The following AUTS2 variants were observed in gnomAD, a reference collection of about 807,000 sequenced individuals.
AUTS2 encodes the protein autism susceptibility gene 2 protein.
Under a neutral mutation model 112.4 loss-of-function variants are expected in AUTS2, and 17 were observed. The observed-to-expected ratio is 0.15, with a 90% confidence interval of 0.10 to 0.23. The LOEUF (loss-of-function observed/expected upper bound fraction) is 0.23, where lower values mean the gene tolerates loss of function less well. Ranked by LOEUF, AUTS2 falls within the 10% of genes least tolerant of loss-of-function variation. AUTS2 has a pLI of 1.00. For synonymous variants in AUTS2, 751 were observed against 702.7 expected, an observed-to-expected ratio of 1.07 and a Z score of -1.09; for missense variants, 1,510 against 1,701.6, an observed-to-expected ratio of 0.89 and a Z score of 1.98.
At chr7:70,302,906 CTT>C (rs61466921) in intron 4 of AUTS2, among the ~76,000 whole-genome samples, 34 of 127,814 alleles carry the variant, frequency 2.7e-4, no homozygotes, top group African/African-American at 1.4e-4. Context: ...GAAAGATCTT[CTT>C]TTTTTTTTTT....
At chr7:69,927,581 C>T (rs976795341) in intron 2 of AUTS2, among the ~76,000 whole-genome samples, 6 of 152,226 alleles carry the variant, frequency 3.9e-5, no homozygotes, top group African/African-American at 1.4e-4. Flanking sequence ...CCCACTCTGC[C>T]CGACAGGCTG....
chr7:69,647,721 A>C (rs1795094386), intron 1 of AUTS2, among the ~76,000 whole-genome samples: 1 of 152,224 alleles, frequency 6.6e-6, no homozygotes, highest in African/African-American at 2.4e-5. Context: ...AAAGTATCAC[A>C]AACTGAGTGG....
chr7:69,683,958 A>G (rs1377144632), intron 1 of AUTS2, among the ~76,000 whole-genome samples: 1 of 152,134 alleles, frequency 6.6e-6, no homozygotes, highest in African/African-American at 2.4e-5. Flanking sequence ...CATGTTCAAG[A>G]GATAATGGCG....
chr7:70,606,912 C>T (rs890057217), intron 5 of AUTS2, among the ~76,000 whole-genome samples: 26 of 150,778 alleles, frequency 1.7e-4, no homozygotes, highest in African/African-American at 5.4e-4. Flanking sequence ...CATACACGTG[C>T]GCACACACAC....
chr7:70,632,644 A>G (rs748151609), intron 5 of AUTS2, among the ~76,000 whole-genome samples: 3 of 151,446 alleles, frequency 2.0e-5, no homozygotes, highest in Non-Finnish European at 2.9e-5. Flanking sequence ...CCTTCCATCC[A>G]TCACCCTCCT....
intron 4 of AUTS2, among the ~76,000 whole-genome samples, chr7:70,224,531 T>C (rs940406983): frequency 2.0e-5 from 3 of 152,156 alleles, no homozygotes; most frequent in African/African-American, 7.2e-5. Flanking sequence ...ATTTGAACAA[T>C]ATATAAAGTA....
chr7:69,884,483 T>G (rs1439411116), intron 1 of AUTS2, among the ~76,000 whole-genome samples: 1 of 152,244 alleles, frequency 6.6e-6, no homozygotes, highest in African/African-American at 2.4e-5. Flanking sequence ...ATCTCACGTT[T>G]AATCCTCTGG....
rs1461619583 is a variant in AUTS2 at position 70,793,100 on chromosome 7, G to T, written c.*2104G>T. 1 of 151,946 alleles carries T rather than the reference G, an allele frequency of 6.6e-6. No homozygotes were observed. The highest frequency in any genetic ancestry group is 1.5e-5 in the Non-Finnish European group (1 of 68,062). The allele number at this position is 151,946 out of a possible 1,614,324, so 9.4% of individuals were successfully genotyped here. ...CGCTTGTGGTTTGTTTTTTGAGGAG[G>T]GGGGGTTCTGTTAGTTTTTCGTATG... On this transcript the variant is annotated 3_prime_UTR_variant, in exon 19 of 19. Transcript: ENST00000342771.
At chr7:70,633,384 G>A (rs1330439343) in intron 5 of AUTS2, among the ~76,000 whole-genome samples, 3 of 152,152 alleles carry the variant, frequency 2.0e-5, no homozygotes, top group East Asian at 1.9e-4. Context: ...TTGGGAAGCC[G>A]AGGTAGGTGG....
intron 4 of AUTS2, among the ~76,000 whole-genome samples, chr7:70,431,722 G>T (rs1795681163): frequency 6.6e-6 from 1 of 152,202 alleles, no homozygotes; most frequent in South Asian, 2.1e-4. Flanking sequence ...GATTGGGTGG[G>T]TTGGTTTGTT....
At chr7:70,703,843 T>A (rs1371213225) in intron 6 of AUTS2, among the ~76,000 whole-genome samples, 1 of 152,182 alleles carries the variant, frequency 6.6e-6, no homozygotes, top group Non-Finnish European at 1.5e-5. Context: ...TTCAGAGCAT[T>A]TTCTTGAGTT....
chr7:70,386,538 G>A (rs1275306423), intron 4 of AUTS2, among the ~76,000 whole-genome samples: 2 of 151,978 alleles, frequency 1.3e-5, no homozygotes, highest in South Asian at 4.2e-4. Context: ...CCAGACCCTG[G>A]CAATCACTAA....
chr7:69,671,519 GTGTGTC>G (rs949387185), intron 1 of AUTS2, among the ~76,000 whole-genome samples: 5 of 149,760 alleles, frequency 3.3e-5, no homozygotes, highest in East Asian at 3.9e-4. Flanking sequence ...GTGTGTGTGT[GTGTGTC>G]TGTGTGTGTG....
At chr7:69,911,333 G>A (rs1055220803) in intron 2 of AUTS2, among the ~76,000 whole-genome samples, 5 of 152,204 alleles carry the variant, frequency 3.3e-5, no homozygotes, top group East Asian at 1.9e-4. Context: ...CAAAGAGGGT[G>A]TCACAGCCCT....
intron 4 of AUTS2, among the ~76,000 whole-genome samples, chr7:70,173,642 T>A (rs374758920): frequency 6.6e-6 from 1 of 152,228 alleles, no homozygotes; most frequent in Non-Finnish European, 1.5e-5. Context: ...AAACCTTACA[T>A]CAAGCAAGTC....
At chr7:69,648,125 G>A (rs1320576136) in intron 1 of AUTS2, among the ~76,000 whole-genome samples, 1 of 152,168 alleles carries the variant, frequency 6.6e-6, no homozygotes, top group Non-Finnish European at 1.5e-5. Context: ...CCATAACAGA[G>A]TTCTACTTTG....
In AUTS2 at chr7:69,899,405, C is replaced by A. The variant is rs1320471009; in HGVS notation, c.429C>A (p.Ser143Arg). Reference protein sequence around the residue: ...LSFHSKKSRLSHPHHYSSDRE... With the variant: ...LSFHSKKSRLRHPHHYSSDRE... ...TTCATTCAAAGAAGAGCAGACTCAG[C>A]CACCCACACCACTACAGCTCAGATC... The change falls in exon 2 of 19, where the codon AGC becomes AGA. Residue 143 changes from serine to arginine, a missense_variant. Around this residue, in one of 3 missense-constraint regions of AUTS2, gnomAD observed 535 missense variants for 594.3 expected, o/e 0.90. Coordinates refer to ENST00000342771, the MANE Select transcript of AUTS2 (RefSeq NM_015570.4). The A allele has an allele frequency of 1.2e-6, 2 of 1,614,012 alleles. No homozygotes were observed. Among genetic ancestry groups the A allele is most frequent in the South Asian group, 2.2e-5 (2 of 91,078 alleles).
chr7:69,798,011 C>T (rs940062426), intron 1 of AUTS2, among the ~76,000 whole-genome samples: 2 of 152,092 alleles, frequency 1.3e-5, no homozygotes, highest in Non-Finnish European at 2.9e-5. Context: ...GAACAAGTCT[C>T]CACTGTGAGC....
At chr7:70,700,747 T>A (rs1376703135) in intron 6 of AUTS2, among the ~76,000 whole-genome samples, 2 of 152,186 alleles carry the variant, frequency 1.3e-5, no homozygotes, top group Non-Finnish European at 2.9e-5. Context: ...GTGCAGAGTC[T>A]CCTTATAGGC....
Sources: gnomAD v4.1 joint callset for allele counts (sites outside exome capture counted in the v4.1 genomes callset) on GRCh38, gnomAD v4.1.1 for gene constraint, gnomAD v4.1.1 regional missense constraint, MANE v1.5 for transcripts, NCBI Gene and HGNC (gene_info 2026-07-23, HGNC 2026-07-21) for gene names.